The following CLIP4 variants were observed in gnomAD, a reference collection of about 807,000 sequenced individuals.
The protein encoded by CLIP4 is CAP-Gly domain containing linker protein family member 4.
In CLIP4, 47 loss-of-function variants were observed where a neutral mutation model predicts 73.1. The ratio of observed to expected loss-of-function variants is 0.64; its 90% CI spans 0.51 to 0.82. The LOEUF is 0.82. CLIP4 is among the 40% of genes least tolerant of loss of function. CLIP4 has a pLI of 0.00. For synonymous variants in CLIP4, 306 were observed against 295.4 expected (o/e 1.04, Z -0.37); for missense variants, 874 against 852.9 (o/e 1.02, Z -0.31).
At chr2:29,166,278 C>T (rs1667609830) in intron 13 of CLIP4, among the ~76,000 whole-genome samples, 1 of 152,016 alleles carries the variant, frequency 6.6e-6, no homozygotes, top group African/African-American at 2.4e-5. Context: ...ACAATCACAC[C>T]TTGCATCTTC....
chr2:29,151,258 T>G (rs1043178751), intron 8 of CLIP4, among the ~76,000 whole-genome samples: 14 of 152,186 alleles, frequency 9.2e-5, no homozygotes. Flanking sequence ...ATTATTTCTT[T>G]AAAATTAATT....
chr2:29,148,442 TAA>T (rs1301474966), intron 8 of CLIP4, among the ~76,000 whole-genome samples: 1 of 152,244 alleles, frequency 6.6e-6, no homozygotes, highest in Non-Finnish European at 1.5e-5. Flanking sequence ...TAGAAAATGA[TAA>T]GTTTTAATAC....
rs551689780 is a variant in CLIP4 at position 29,174,585 on chromosome 2, A to T, written c.1796+140A>T. On this transcript the variant is annotated intron_variant, in intron 15 of 15. Coordinates refer to ENST00000320081, the MANE Select transcript of CLIP4 (RefSeq NM_024692.6). The stretch of plus-strand genomic sequence containing the variant: ...GTAGGAGAAAAGGTGTGATAAGTGT[A>T]TTGAGAAGCGTTCTTCCTCCCTCCT... 5 of 1,387,014 alleles carry T rather than the reference A, an allele frequency of 3.6e-6. No homozygotes were observed. In the South Asian group the frequency reaches 6.9e-5, roughly 19 times the overall value. 85.9% of individuals were successfully genotyped at this position (1,387,014 alleles called of 1,614,324 possible).
At chr2:29,163,746 A>G in intron 12 of CLIP4, 85 bp from the exon 13 acceptor site, 1 of 1,360,126 alleles carries the variant, frequency 7.4e-7, no homozygotes, top group East Asian at 2.4e-5. Flanking sequence ...GAAATGTTAA[A>G]ACACCTCGAC....
intron 8 of CLIP4, among the ~76,000 whole-genome samples, chr2:29,149,619 A>T (rs17007585): frequency 0.021 from 3,191 of 151,870 alleles, 113 homozygotes; most frequent in African/African-American, 0.072. Flanking sequence ...GAAAAGTCCT[A>T]TCAATACTTC....
chr2:29,172,596 T>A (rs918524700), intron 14 of CLIP4, among the ~76,000 whole-genome samples: 1 of 152,148 alleles, frequency 6.6e-6, no homozygotes, highest in Non-Finnish European at 1.5e-5. Context: ...TACGGATTTT[T>A]CTGTATCTGG....
intron 4 of CLIP4, 46 bp downstream of exon 4, chr2:29,132,291 G>A (rs1665029667): frequency 6.9e-7 from 1 of 1,441,752 alleles, no homozygotes. Flanking sequence ...ATCTGCACTT[G>A]TGCTTAGATA....
chr2:29,151,839 A>G (rs72790238), intron 8 of CLIP4, among the ~76,000 whole-genome samples: 28,680 of 152,006 alleles, frequency 0.19, 3,587 homozygotes, highest in Non-Finnish European at 0.28. Context: ...TGTATTCACT[A>G]TCTCTAATGT....
chr2:29,174,690 G>C, intron 15 of CLIP4: 8 of 1,125,454 alleles, frequency 7.1e-6, no homozygotes, highest in Non-Finnish European at 8.7e-6. Context: ...GGTCAGAACT[G>C]TTAATAAAAG....
At chr2:29,155,005 T>A (rs1219307033) in intron 9 of CLIP4, among the ~76,000 whole-genome samples, 1 of 152,072 alleles carries the variant, frequency 6.6e-6, no homozygotes, top group African/African-American at 2.4e-5. Flanking sequence ...AAGATACAAT[T>A]TAAAATTACC....
At chr2:29,168,083 C>A (rs1242134731) in intron 14 of CLIP4, among the ~76,000 whole-genome samples, 1 of 152,180 alleles carries the variant, frequency 6.6e-6, no homozygotes, top group Non-Finnish European at 1.5e-5. Flanking sequence ...GTATTGCATA[C>A]TCTATCTGCC....
chr2:29,099,011 T>C (rs1352640103), intron 1 of CLIP4, among the ~76,000 whole-genome samples: 1 of 152,254 alleles, frequency 6.6e-6, no homozygotes, highest in Admixed American at 6.5e-5. Context: ...ATATCTTCTT[T>C]GGTGAGGTGT....
In CLIP4 at chr2:29,181,687, G is replaced by C; in HGVS notation, c.1912G>C (p.Gly638Arg). ...CCTGCTCACGAGCTCCAATGAGATG[G>C]GTACTGTTAGGTATGTGGGCCCCAC... is the stretch of plus-strand genomic sequence containing the variant. ...QVLLTSSNEMGTVRYVGPTDF... is the reference protein window; with the variant it reads ...QVLLTSSNEMRTVRYVGPTDF... The change falls in exon 16 of 16, where the codon GGT (glycine) becomes CGT (arginine). Residue 638 changes from glycine (G) to arginine (R), a missense_variant. Physicochemically the swap from Gly to Arg is moderately radical, Grantham distance 125. Transcript: ENST00000320081. The C allele has an allele frequency of 6.2e-7, 1 of 1,614,190 alleles. No homozygotes were observed. The highest frequency in any genetic ancestry group is 1.1e-5 in the South Asian group (1 of 91,086).
chr2:29,163,378 G>A (rs1173570719), intron 12 of CLIP4, among the ~76,000 whole-genome samples: 10 of 152,170 alleles, frequency 6.6e-5, no homozygotes, highest in African/African-American at 1.9e-4. Context: ...AATTATTTGA[G>A]CACTGTTTGT....
At chr2:29,158,882 A>G (rs1667109942) in intron 11 of CLIP4, among the ~76,000 whole-genome samples, 1 of 152,068 alleles carries the variant, frequency 6.6e-6, no homozygotes, top group Non-Finnish European at 1.5e-5. Context: ...TGATCTTCCT[A>G]CCTTGGCCTC....
Position 29,163,858 on chromosome 2 carries a change from AACC to A in CLIP4, c.1563_1565del (p.Lys521_Pro522delinsAsn). Reference sequence around the variant, plus strand: ...TATTGGTATGGTATAGAGCTTGAAAAACCCCATGGCAAGAATGATGGTTCAGTT... The same window carrying A: ...TATTGGTATGGTATAGAGCTTGAAAACCATGGCAAGAATGATGGTTCAGTT... On this transcript the variant is annotated inframe_deletion, in exon 13 of 16. Coordinates refer to ENST00000320081, the MANE Select transcript of CLIP4 (RefSeq NM_024692.6). 1.9e-6 allele frequency: 3 copies of A among 1,613,586 alleles called. No homozygotes were observed. Among genetic ancestry groups the A allele is most frequent in the Non-Finnish European group, 2.5e-6 (3 of 1,179,680 alleles).
intron 1 of CLIP4, among the ~76,000 whole-genome samples, chr2:29,116,524 GTTGT>G (rs1663853199): frequency 6.6e-6 from 1 of 152,008 alleles, no homozygotes; most frequent in African/African-American, 2.4e-5. Context: ...TTTGACGTTT[GTTGT>G]TTGTGAATCT....
At chr2:29,128,031 A>C (rs1284532045) in intron 2 of CLIP4, among the ~76,000 whole-genome samples, 1 of 152,190 alleles carries the variant, frequency 6.6e-6, no homozygotes, top group East Asian at 1.9e-4. Context: ...ATACAAAAAT[A>C]ACATAAGGTT....
rs527830866 is a variant in CLIP4, at chr2:29,104,822, T to C, written c.-16+6875T>C. Among the ~76,000 whole-genome samples the C allele has an allele frequency of 8.5e-5, 13 of 152,340 alleles. No homozygotes were observed. The South Asian group carries it at 2.7e-3, about 32-fold the overall frequency. On this transcript the variant is annotated intron_variant, in intron 1 of 14. Coordinates refer to the CLIP4 transcript ENST00000401605. Reference sequence around the variant, plus strand: ...CTGGTAGGTAGGTCACTTGACAAGCTGAGCCTTGAGAGGCATCCTGCTGTG... The same window carrying C: ...CTGGTAGGTAGGTCACTTGACAAGCCGAGCCTTGAGAGGCATCCTGCTGTG...
Sources: gnomAD v4.1 joint callset for allele counts (sites outside exome capture counted in the v4.1 genomes callset) on GRCh38, gnomAD v4.1.1 for gene constraint, MANE v1.5 for transcripts, NCBI Gene and HGNC (gene_info 2026-07-23, HGNC 2026-07-21) for gene names.